The following HHAT variants were observed in gnomAD, a reference collection of about 807,000 sequenced individuals.
HHAT encodes the protein hedgehog acyltransferase.
In HHAT, 47 loss-of-function variants were observed where a neutral mutation model predicts 70.8. That is an observed-to-expected ratio of 0.66 (90% CI 0.53 to 0.85). The LOEUF is 0.85. Ranked by LOEUF, HHAT falls within the 40% of genes least tolerant of loss-of-function variation. HHAT has a pLI of 0.00. For missense variants in HHAT, 609 were observed against 604.8 expected, an observed-to-expected ratio of 1.01 and a Z score of -0.07; for synonymous variants, 228 against 247.6, an observed-to-expected ratio of 0.92 and a Z score of 0.74.
At chr1:210,441,853 C>CACT (rs200350511) in intron 7 of HHAT, among the ~76,000 whole-genome samples, 5 of 151,028 alleles carry the variant, frequency 3.3e-5, no homozygotes, top group East Asian at 1.9e-4. Flanking sequence ...CACACACACA[C>CACT]TTTTTTTTTA....
chr1:210,427,078 G>C (rs1275746911), intron 7 of HHAT, among the ~76,000 whole-genome samples: 1 of 152,106 alleles, frequency 6.6e-6, no homozygotes, highest in Non-Finnish European at 1.5e-5. Flanking sequence ...GAGGGTGTAT[G>C]TGTCCTGGAA....
chr1:210,649,140 A>G (rs929356059), intron 11 of HHAT, among the ~76,000 whole-genome samples: 1 of 152,192 alleles, frequency 6.6e-6, no homozygotes, highest in Non-Finnish European at 1.5e-5. Context: ...ACATTTGGCT[A>G]TATATTCAAC....
At chr1:210,666,500 T>C (rs1411257672) in intron 11 of HHAT, among the ~76,000 whole-genome samples, 1 of 152,154 alleles carries the variant, frequency 6.6e-6, no homozygotes, top group Non-Finnish European at 1.5e-5. Context: ...ATTACATATT[T>C]TTTTTAGAGG....
intron 7 of HHAT, among the ~76,000 whole-genome samples, chr1:210,456,749 G>A (rs1463241279): frequency 3.3e-5 from 5 of 152,196 alleles, no homozygotes; most frequent in African/African-American, 1.2e-4. Context: ...AGCTCTAGAG[G>A]TTTAGGTTGA....
chr1:210,358,802 C>T (rs566260460), intron 2 of HHAT, among the ~76,000 whole-genome samples: 10 of 152,190 alleles, frequency 6.6e-5, no homozygotes, highest in African/African-American at 2.4e-4. Context: ...GATTATTGCC[C>T]TCTTACTACA....
intron 9 of HHAT, among the ~76,000 whole-genome samples, chr1:210,538,894 T>C (rs1383745366): frequency 1.3e-5 from 2 of 152,120 alleles, no homozygotes; most frequent in Non-Finnish European, 2.9e-5. Context: ...CTGGCCAACA[T>C]GGTGAAACCC....
intron 11 of HHAT, among the ~76,000 whole-genome samples, chr1:210,626,750 AAAT>A (rs1257448131): frequency 6.6e-6 from 1 of 152,188 alleles, no homozygotes; most frequent in Admixed American, 6.5e-5. Flanking sequence ...TGGTGAAAAA[AAAT>A]AATGAGTCTA....
chr1:210,484,514 T>G (rs2094446265), intron 8 of HHAT, among the ~76,000 whole-genome samples: 1 of 151,632 alleles, frequency 6.6e-6, no homozygotes, highest in Non-Finnish European at 1.5e-5. Flanking sequence ...TTTTTGGCCT[T>G]GCAGCTAATA....
At chr1:210,331,374 A>G (rs564356470) in intron 1 of HHAT, among the ~76,000 whole-genome samples, 86 of 152,304 alleles carry the variant, frequency 5.6e-4, no homozygotes, top group African/African-American at 1.9e-3. Context: ...GATGTTGGAA[A>G]TGGAAGCAGG....
chr1:210,539,247 A>C (rs566668409), intron 9 of HHAT, among the ~76,000 whole-genome samples: 19 of 152,336 alleles, frequency 1.2e-4, no homozygotes, highest in African/African-American at 3.6e-4. Context: ...GGCCAAAAAA[A>C]CAGTGGAACA....
intron 9 of HHAT, among the ~76,000 whole-genome samples, chr1:210,533,933 G>GGT (rs1323245048): frequency 6.6e-6 from 1 of 152,174 alleles, no homozygotes; most frequent in Non-Finnish European, 1.5e-5. Context: ...CTGGCGGCTT[G>GGT]GTGATGCAGA....
intron 1 of HHAT, among the ~76,000 whole-genome samples, chr1:210,345,210 T>A (rs1364324164): frequency 1.1e-4 from 17 of 152,020 alleles, no homozygotes; most frequent in Non-Finnish European, 8.8e-5. Flanking sequence ...CCAGGGCTGG[T>A]TCCTGCTTTG....
intron 2 of HHAT, among the ~76,000 whole-genome samples, chr1:210,356,921 A>C (rs1000810163): frequency 6.6e-6 from 1 of 152,226 alleles, no homozygotes; most frequent in African/African-American, 2.4e-5. Flanking sequence ...TGGGGCCACC[A>C]GGGGCCCTTC....
At chr1:210,400,339 T>C (rs991866340) in intron 4 of HHAT, 129 bp from the exon 5 acceptor site, 30 of 811,022 alleles carry the variant, frequency 3.7e-5, no homozygotes, top group Non-Finnish European at 5.4e-5. Context: ...AGTTTCTTTA[T>C]TGGGTAATTA....
intron 10 of HHAT, among the ~76,000 whole-genome samples, chr1:210,607,042 A>C (rs1217283529): frequency 3.3e-5 from 5 of 152,214 alleles, no homozygotes; most frequent in Non-Finnish European, 7.3e-5. Context: ...GGGGTGAAGA[A>C]GGAAGAGGGA....
intron 9 of HHAT, among the ~76,000 whole-genome samples, chr1:210,521,208 G>A (rs1182025963): frequency 6.6e-6 from 1 of 152,186 alleles, no homozygotes; most frequent in African/African-American, 2.4e-5. Context: ...GCATGATTTT[G>A]TTCTGATGAG....
chr1:210,414,403 T>G (rs1050674674), intron 6 of HHAT, among the ~76,000 whole-genome samples: 2 of 152,132 alleles, frequency 1.3e-5, no homozygotes, highest in Non-Finnish European at 2.9e-5. Context: ...TGCTAGTGGT[T>G]ATTAGGTCAA....
At chr1:210,570,065 A>G (rs1487671891) in intron 9 of HHAT, among the ~76,000 whole-genome samples, 2 of 152,176 alleles carry the variant, frequency 1.3e-5, no homozygotes, top group African/African-American at 4.8e-5. Flanking sequence ...CAGTCACTAT[A>G]CAGTTTATGT....
At chr1:210,667,304 C>T (rs1252558293) in intron 11 of HHAT, among the ~76,000 whole-genome samples, 1 of 152,048 alleles carries the variant, frequency 6.6e-6, no homozygotes. Flanking sequence ...ATCACTTGAA[C>T]CTGGGAGGCA....
Sources: allele counts gnomAD v4.1 joint callset (sites outside exome capture counted in the v4.1 genomes callset), GRCh38; gene constraint gnomAD v4.1.1; transcripts MANE v1.5; gene names NCBI Gene and HGNC (gene_info 2026-07-23, HGNC 2026-07-21).